NEB: variants seen among roughly 807,000 people sequenced by gnomAD.
NEB encodes nemaline myopathy type 2.
NEB carries 512 observed loss-of-function variants against 952.2 expected under a neutral mutation model. That is an observed-to-expected ratio of 0.54 (90% CI 0.50 to 0.58). NEB has a LOEUF of 0.58. Among genes scored for constraint, NEB ranks in the 20% least tolerant of loss-of-function variants. The probability of loss-of-function intolerance (pLI) is 0.00; values close to 1 mark genes in which losing one functional copy is unlikely to be tolerated. For missense variants in NEB, 8,428 were observed against 9,231.1 expected (o/e 0.91, Z 3.56); for synonymous variants, 2,900 against 3,149.8 (o/e 0.92, Z 2.66).
Position 151,674,590 on chromosome 2 carries a change from C to T in NEB, c.3880-6G>A, listed in dbSNP as rs115003937. 4 of 1,586,026 alleles carry T rather than the reference C, an allele frequency of 2.5e-6. No homozygotes were observed. The highest frequency in any genetic ancestry group is 2.7e-5 in the African/African-American group (2 of 74,576). ...CAATCCCGTTTATAACAGACCTGGA[C>T]AGAAAAGCAAACAGAATGTCAGCAT... is the stretch of plus-strand genomic sequence containing the variant. On this transcript the variant is annotated splice_polypyrimidine_tract_variant and splice_region_variant and intron_variant, in intron 35 of 181. Coordinates refer to ENST00000397345, the MANE Select transcript of NEB (RefSeq NM_001164508.2).
intron 67 of NEB, 58 bp from the exon 68 acceptor site, chr2:151,629,704 T>C: frequency 7.1e-7 from 1 of 1,403,830 alleles, no homozygotes; most frequent in South Asian, 1.2e-5. Context: ...AATTCAGAGA[T>C]TATTAAGTGA....
Position 151,659,099 on chromosome 2 carries a change from A to T in NEB, c.6041T>A (p.Ile2014Asn). The change falls in exon 47 of 182, where the codon ATT becomes AAT. Residue 2014 changes from isoleucine to asparagine, a missense_variant. Physicochemically the swap from Ile to Asn is moderately radical, Grantham distance 149. This residue lies in a region of NEB where 2,851 missense variants were observed against 2,791.5 expected (regional missense o/e 1.02). Coordinates refer to ENST00000397345, the MANE Select transcript of NEB (RefSeq NM_001164508.2). ...ATTAATTGCATTTGCCTTTGCCAAA[A>T]TAATCTGGGGGATATCAGGCATGAT... ...VHIMPDIPQI[I>N]LAKANAINMS... 1 of 1,612,828 alleles carries T rather than the reference A, an allele frequency of 6.2e-7. No homozygotes were observed. Among genetic ancestry groups the T allele is most frequent in the Non-Finnish European group, 8.5e-7 (1 of 1,178,932 alleles).
At chr2:151,576,403 T>G in intron 105 of NEB, 49 bp from the exon 106 acceptor site, 1 of 1,402,566 alleles carries the variant, frequency 7.1e-7, no homozygotes, top group African/African-American at 1.4e-5. Flanking sequence ...TTGTTGTGTA[T>G]GTGTGTGGTA....
In NEB at chr2:151,724,376, G is replaced by A; in HGVS notation, c.508-12C>T. 6.3e-7 allele frequency: 1 copy of A among 1,592,034 alleles called. No individual in the cohort carries two copies. The highest frequency in any genetic ancestry group is 8.6e-7 in the Non-Finnish European group (1 of 1,164,342). On this transcript the variant is annotated splice_polypyrimidine_tract_variant and intron_variant, in intron 7 of 181. Coordinates refer to ENST00000397345, the MANE Select transcript of NEB (RefSeq NM_001164508.2). ...TGCTTGTATAAAACCTAGACAGAAG[G>A]AGCAGAGGATCTGTGGCTTGAGGTC...
At chr2:151,497,881 A>C in intron 170 of NEB, 163 bp from the exon 171 acceptor site, 1 of 1,499,086 alleles carries the variant, frequency 6.7e-7, no homozygotes, top group Non-Finnish European at 8.8e-7. Flanking sequence ...GGGATAGGGA[A>C]TCTGCACCCT....
rs1232097887 is a variant in NEB at position 151,535,624 on chromosome 2, TA to T, written c.21312+66del. On this transcript the variant is annotated intron_variant, in intron 142 of 181. Coordinates refer to ENST00000397345, the MANE Select transcript of NEB (RefSeq NM_001164508.2). ...TCATTCTGTGTATTGGGCTTTAATTTAAAAAAACTCTGAGACTTCTTTAGGG... is the reference window on the plus strand; with the variant it reads ...TCATTCTGTGTATTGGGCTTTAATTTAAAAAACTCTGAGACTTCTTTAGGG... 1.4e-5 allele frequency: 14 copies of T among 1,013,998 alleles called. No individual in the cohort carries two copies. The East Asian group carries it at 2.6e-4, about 19-fold the overall frequency. 62.8% of individuals were successfully genotyped at this position (1,013,998 alleles called of 1,614,324 possible).
chr2:151,518,439 A>C lies in NEB; in HGVS notation c.22696-17T>G. 1.4e-6 allele frequency: 2 copies of C among 1,474,966 alleles called. No homozygotes were observed. Among genetic ancestry groups the C allele is most frequent in the Middle Eastern group, 1.8e-4 (1 of 5,478 alleles). The allele number at this position is 1,474,966 out of a possible 1,614,324, so 91.4% of individuals were successfully genotyped here. On this transcript the variant is annotated splice_polypyrimidine_tract_variant and intron_variant, in intron 155 of 181. Coordinates refer to ENST00000397345, the MANE Select transcript of NEB (RefSeq NM_001164508.2). ...GTACTGGTACTGAGGGGAAGGCGGC[A>C]AAAAAGGCACATTGATGGAGAAGCT...
chr2:151,563,062 T>C (rs539307156), intron 119 of NEB, among the ~76,000 whole-genome samples: 1 of 143,132 alleles, frequency 7.0e-6, no homozygotes, highest in East Asian at 2.1e-4. Context: ...TTGCCCAGAC[T>C]GGATTGCAAT....
chr2:151,553,192 AGG>A (rs1400890229), intron 127 of NEB, among the ~76,000 whole-genome samples: 43 of 152,206 alleles, frequency 2.8e-4, no homozygotes, highest in African/African-American at 1.0e-3. Flanking sequence ...TCTCCACCAG[AGG>A]ACGATGGCAC....
At position 151,524,683 on chromosome 2, in the gene NEB, T is replaced by G. The variant is rs1017875583; in HGVS notation, c.22273-67A>C. 3 of 1,105,576 alleles carry G rather than the reference T, an allele frequency of 2.7e-6. No homozygotes were observed. The African/African-American group carries it at 5.0e-5, about 18-fold the overall frequency. 68.5% of individuals were successfully genotyped at this position (1,105,576 alleles called of 1,614,324 possible). On this transcript the variant is annotated intron_variant, in intron 151 of 181. Coordinates refer to ENST00000397345, the MANE Select transcript of NEB (RefSeq NM_001164508.2). ...TTTTTTTTTTTTTTTTTTTTTTTTT[T>G]TGAGATGGAATCTCACTCTGTTGCC...
At chr2:151,619,883 G>T (rs2098342466) in intron 72 of NEB, 121 bp from the exon 73 acceptor site, 2 of 1,003,638 alleles carry the variant, frequency 2.0e-6, no homozygotes, top group Non-Finnish European at 2.9e-6. Context: ...TGGTCATGCT[G>T]CTGTAACGCC....
chr2:151,569,302 T>G lies in NEB; in HGVS notation c.17501A>C (p.Asn5834Thr). 6.2e-7 allele frequency: 1 copy of G among 1,613,946 alleles called. No homozygotes were observed. Among genetic ancestry groups the G allele is most frequent in the Non-Finnish European group, 8.5e-7 (1 of 1,179,838 alleles). The change falls in exon 110 of 182, where the codon AAT becomes ACT. Residue 5834 changes from asparagine (N) to threonine (T), a missense_variant. This residue lies in a region of NEB where 3,374 missense variants were observed against 3,651.5 expected (regional missense o/e 0.92). Coordinates refer to ENST00000397345, the MANE Select transcript of NEB (RefSeq NM_001164508.2). ...GWMPNDSVSV[N>T]HAKHAADIFS... ...GATGTCCGCGGCATGTTTGGCATGATTGACGGACACGGAGTCATTTGGCAT... is the reference window on the plus strand; with the variant it reads ...GATGTCCGCGGCATGTTTGGCATGAGTGACGGACACGGAGTCATTTGGCAT...
In NEB at chr2:151,567,715, T is replaced by A. The variant is rs529664907; in HGVS notation, c.17845-236A>T. Among the ~76,000 whole-genome samples the A allele has an allele frequency of 9.7e-4, 148 of 152,128 alleles. 1 individual carries two copies. The highest frequency in any genetic ancestry group is 9.6e-4 in the East Asian group (5 of 5,184). ...CCCTAAAAATGATAAAAATAAAATT[T>A]AAAAAATAAAAATAGAGAAAAAATA... On this transcript the variant is annotated intron_variant, in intron 113 of 181. Transcript: ENST00000397345.
chr2:151,563,748 G>T (rs761296947), intron 118 of NEB, 29 bp from the exon 119 acceptor site: 1 of 1,607,856 alleles, frequency 6.2e-7, no homozygotes, highest in Non-Finnish European at 8.5e-7. Context: ...ATTGAGAATC[G>T]CTGGAGTTTC....
Position 151,627,706 on chromosome 2 carries a change from C to G in NEB, c.9960G>C (p.Lys3320Asn), listed in dbSNP as rs1489603308. 3.1e-6 allele frequency: 5 copies of G among 1,613,924 alleles called. No individual in the cohort carries two copies. The highest frequency in any genetic ancestry group is 4.5e-5 in the East Asian group (2 of 44,870). Residue 3320 changes from lysine (K) to asparagine (N), a missense_variant, in exon 69 of 182, where the codon AAG (lysine) becomes AAC (asparagine). Lys to Asn is a moderately conservative substitution (Grantham distance 94). Coordinates refer to ENST00000397345, the MANE Select transcript of NEB (RefSeq NM_001164508.2). ...ACTTGGTCTTCCACTTCTCAAAGTC[C>G]TTCTTATACTCCCTGTCACTCTGGA... ...AKIQSDREYK[K>N]DFEKWKTKFS...
chr2:151,711,618 G>A (rs1163623542), intron 10 of NEB, among the ~76,000 whole-genome samples: 1 of 152,042 alleles, frequency 6.6e-6, no homozygotes, highest in Admixed American at 6.6e-5. Context: ...CTGGGCCTGG[G>A]TTCAAACTCT....
At chr2:151,718,439 G>A (rs2099765308) in intron 9 of NEB, among the ~76,000 whole-genome samples, 1 of 152,090 alleles carries the variant, frequency 6.6e-6, no homozygotes. Flanking sequence ...CCCATTATGA[G>A]TCTCTGGTTA....
At chr2:151,493,736 G>GT in intron 175 of NEB, 39 bp downstream of exon 175, 1 of 1,423,830 alleles carries the variant, frequency 7.0e-7, no homozygotes, top group Non-Finnish European at 9.7e-7. Flanking sequence ...TGCCAGGGCT[G>GT]TTAAGATTTT....
At position 151,485,570 on chromosome 2, in the gene NEB, A is replaced by C; in HGVS notation, c.*190T>G. The C allele has an allele frequency of 2.2e-6, 1 of 446,180 alleles. No homozygotes were observed. Among genetic ancestry groups the C allele is most frequent in the South Asian group, 7.8e-5 (1 of 12,828 alleles). 27.6% of individuals were successfully genotyped at this position (446,180 alleles called of 1,614,324 possible). ...TCTAGGCACAGAAATAATATTGCAG[A>C]AGCTTTTAAAGTGTCTGTTCTGCAA... On this transcript the variant is annotated 3_prime_UTR_variant, in exon 182 of 182. Transcript: ENST00000397345.
Sources: gnomAD v4.1 joint callset for allele counts (sites outside exome capture counted in the v4.1 genomes callset) on GRCh38, gnomAD v4.1.1 for gene constraint, gnomAD v4.1.1 regional missense constraint, MANE v1.5 for transcripts, NCBI Gene and HGNC (gene_info 2026-07-23, HGNC 2026-07-21) for gene names.